The following KLK1 variants were observed in gnomAD, a reference collection of about 807,000 sequenced individuals.
KLK1 encodes the protein kallikrein-1.
A neutral mutation model predicts 23.3 loss-of-function variants in KLK1; 22 were observed. That is an observed-to-expected ratio of 0.95 (90% CI 0.68 to 1.35). The LOEUF (loss-of-function observed/expected upper bound fraction) is 1.35, where lower values mean the gene tolerates loss of function less well. Ranked by LOEUF, KLK1 falls within the 40% of genes most tolerant of loss-of-function variation. KLK1 has a pLI of 0.00. For missense variants in KLK1, 301 were observed against 338.9 expected (o/e 0.89, Z 0.88); for synonymous variants, 140 against 135.8 (o/e 1.03, Z -0.21).
rs1032684836 is a variant in KLK1 at position 50,822,172 on chromosome 19, A to G, written c.47-301T>C. On this transcript the variant is annotated intron_variant, in intron 1 of 4. Transcript: ENST00000301420. ...GGAGCAGACACTGCATCTGGGCGTC[A>G]GGTCATTTGGGGTCTGGGGCTGGGG... is the stretch of plus-strand genomic sequence containing the variant. The G allele has an allele frequency of 7.4e-6, 7 of 941,528 alleles. No homozygotes were observed. In the African/African-American group the frequency reaches 1.2e-4, roughly 17 times the overall value. 58.3% of individuals were successfully genotyped at this position (941,528 alleles called of 1,614,324 possible).
chr19:50,822,219 G>T (rs1471036673), intron 1 of KLK1: 5 of 1,032,542 alleles, frequency 4.8e-6, no homozygotes, highest in Non-Finnish European at 5.8e-6. Context: ...GTGGGTTAGG[G>T]GAGTGGAAAG....
intron 2 of KLK1, 57 bp from the exon 3 acceptor site, chr19:50,820,500 G>GC: frequency 1.1e-6 from 1 of 943,840 alleles, no homozygotes; most frequent in African/African-American, 1.7e-5. Flanking sequence ...AGGGGATGGG[G>GC]CAGGGGAGCA....
Sources: allele counts gnomAD v4.1 joint callset, GRCh38; gene constraint gnomAD v4.1.1; transcripts MANE v1.5; gene names NCBI Gene and HGNC (gene_info 2026-07-23, HGNC 2026-07-21).